The following LAMA2 variants were observed in gnomAD, a reference collection of about 807,000 sequenced individuals.
LAMA2 encodes laminin subunit alpha-2.
In LAMA2, 269 loss-of-function variants were observed where a neutral mutation model predicts 364.8. The observed-to-expected ratio is 0.74, with a 90% CI of 0.67 to 0.82. LAMA2 has a LOEUF of 0.82. Ranked by LOEUF, LAMA2 falls within the 40% of genes least tolerant of loss-of-function variation. LAMA2 has a pLI of 0.00. For missense variants in LAMA2, 3,807 were observed against 3,873.2 expected, an observed-to-expected ratio of 0.98 and a Z score of 0.45; for synonymous variants, 1,379 against 1,370.6, an observed-to-expected ratio of 1.01 and a Z score of -0.14.
At chr6:129,181,653 AC>A (rs552744080) in intron 10 of LAMA2, among the ~76,000 whole-genome samples, 86 of 152,098 alleles carry the variant, frequency 5.7e-4, no homozygotes, top group African/African-American at 1.9e-3. Context: ...TGAAAAAATT[AC>A]CTATAAATTG....
chr6:129,326,094 C>A (rs1775261941), intron 28 of LAMA2, among the ~76,000 whole-genome samples: 1 of 152,198 alleles, frequency 6.6e-6, no homozygotes, highest in Non-Finnish European at 1.5e-5. Context: ...GCCACCTCAG[C>A]CTCCCAAAAT....
chr6:129,227,810 A>C (rs557066590), intron 12 of LAMA2, among the ~76,000 whole-genome samples: 1 of 152,298 alleles, frequency 6.6e-6, no homozygotes, highest in East Asian at 1.9e-4. Context: ...GTTCATTCTC[A>C]GATCTCAAAC....
At chr6:128,912,165 A>G (rs888680405) in intron 1 of LAMA2, among the ~76,000 whole-genome samples, 4 of 152,314 alleles carry the variant, frequency 2.6e-5, no homozygotes, top group Admixed American at 2.6e-4. Context: ...TGGGAGTAAA[A>G]TTCCTGGGTT....
chr6:129,129,452 G>A (rs1419443218), intron 4 of LAMA2, among the ~76,000 whole-genome samples: 1 of 152,134 alleles, frequency 6.6e-6, no homozygotes, highest in Non-Finnish European at 1.5e-5. Flanking sequence ...ACACATTGAG[G>A]ATGATGTTTA....
chr6:129,008,590 G>A (rs1784571924), intron 1 of LAMA2, among the ~76,000 whole-genome samples: 1 of 152,054 alleles, frequency 6.6e-6, no homozygotes, highest in African/African-American at 2.4e-5. Flanking sequence ...TCTCTATAGG[G>A]TCTCAAAGCA....
At chr6:129,357,172 G>A (rs549607986) in intron 32 of LAMA2, among the ~76,000 whole-genome samples, 1 of 151,928 alleles carries the variant, frequency 6.6e-6, no homozygotes, top group Non-Finnish European at 1.5e-5. Flanking sequence ...AATGAACAAA[G>A]AAGCCATTAT....
At chr6:129,213,580 T>A (rs1238154618) in intron 12 of LAMA2, among the ~76,000 whole-genome samples, 1 of 152,212 alleles carries the variant, frequency 6.6e-6, no homozygotes, top group Non-Finnish European at 1.5e-5. Context: ...CTAATAGATA[T>A]GTAGTGGTAT....
intron 59 of LAMA2, 21 bp downstream of exon 59, chr6:129,502,792 C>T: frequency 6.9e-7 from 1 of 1,450,686 alleles, no homozygotes; most frequent in Non-Finnish European, 9.7e-7. Context: ...TCCTGAGACA[C>T]TGGGAAAGAA....
intron 12 of LAMA2, among the ~76,000 whole-genome samples, chr6:129,200,435 C>T (rs1272774924): frequency 6.7e-6 from 1 of 148,916 alleles, no homozygotes; most frequent in Admixed American, 6.7e-5. Flanking sequence ...TATGTGTACA[C>T]ATATACATAT....
chr6:129,038,801 A>G (rs1288523393), intron 1 of LAMA2, among the ~76,000 whole-genome samples: 1 of 152,228 alleles, frequency 6.6e-6, no homozygotes, highest in African/African-American at 2.4e-5. Context: ...TCAATAGTAG[A>G]CACAATGCCA....
chr6:129,349,900 A>C (rs986311689), intron 31 of LAMA2, among the ~76,000 whole-genome samples: 12 of 152,140 alleles, frequency 7.9e-5, no homozygotes, highest in Non-Finnish European at 1.3e-4. Flanking sequence ...TTTGTTATTC[A>C]GTTTTCCTTT....
intron 4 of LAMA2, among the ~76,000 whole-genome samples, chr6:129,129,856 G>A (rs796524341): frequency 3.4e-5 from 5 of 148,380 alleles, no homozygotes; most frequent in Non-Finnish European, 4.5e-5. Context: ...CCCGGGAGGC[G>A]GAGCTTGCAG....
chr6:129,051,844 A>T (rs961913008), intron 2 of LAMA2, among the ~76,000 whole-genome samples: 4 of 151,780 alleles, frequency 2.6e-5, no homozygotes, highest in African/African-American at 9.7e-5. Context: ...TGGCCTTGAA[A>T]ATTTCATGAA....
intron 3 of LAMA2, among the ~76,000 whole-genome samples, chr6:129,077,772 T>C (rs1191452439): frequency 6.6e-6 from 1 of 152,214 alleles, no homozygotes; most frequent in African/African-American, 2.4e-5. Flanking sequence ...AAAGATTCTT[T>C]TTCTGGAAGC....
intron 9 of LAMA2, among the ~76,000 whole-genome samples, chr6:129,167,147 T>C (rs1336719913): frequency 6.6e-6 from 1 of 152,164 alleles, no homozygotes; most frequent in African/African-American, 2.4e-5. Flanking sequence ...TTGAGCCTTT[T>C]TTCCGATTCA....
rs145986771 is a variant in LAMA2, at chr6:129,418,201, T to C, written c.5866-9551T>C. Among the ~76,000 whole-genome samples the C allele has an allele frequency of 1.0e-2, 1,515 of 152,214 alleles. 90 individuals carry two copies. Among genetic ancestry groups the C allele is most frequent in the Admixed American group, 0.087 (1,334 of 15,288 alleles). On this transcript the variant is annotated intron_variant, in intron 40 of 64. Transcript: ENST00000421865. ...GTTTTGTTTTGTTCCTATTTCCTTT[T>C]CTCAGAAAAGAAAGTCTTTAGAATT... is the stretch of plus-strand genomic sequence containing the variant.
intron 31 of LAMA2, among the ~76,000 whole-genome samples, chr6:129,351,194 A>C (rs1253255590): frequency 2.6e-5 from 4 of 152,196 alleles, no homozygotes; most frequent in Non-Finnish European, 5.9e-5. Flanking sequence ...TCATGAAAAA[A>C]AAATTATGAT....
At chr6:129,355,051 G>A (rs1443628086) in intron 32 of LAMA2, among the ~76,000 whole-genome samples, 2 of 152,102 alleles carry the variant, frequency 1.3e-5, no homozygotes, top group East Asian at 3.8e-4. Flanking sequence ...TAGTTCAGTT[G>A]CTGGACTGGA....
At chr6:129,173,549 T>C (rs902545811) in intron 9 of LAMA2, among the ~76,000 whole-genome samples, 1 of 152,194 alleles carries the variant, frequency 6.6e-6, no homozygotes, top group African/African-American at 2.4e-5. Context: ...TCAAAGATTT[T>C]CACAGTTACA....
Sources: allele counts gnomAD v4.1 joint callset (sites outside exome capture counted in the v4.1 genomes callset), GRCh38; gene constraint gnomAD v4.1.1; transcripts MANE v1.5; gene names NCBI Gene and HGNC (gene_info 2026-07-23, HGNC 2026-07-21).